The following SERPINB12 variants were observed in gnomAD, a reference collection of about 807,000 sequenced individuals.
SERPINB12 encodes serpin B12.
A neutral mutation model predicts 41.1 loss-of-function variants in SERPINB12; 57 were observed. The observed-to-expected ratio is 1.39, with a 90% CI of 1.12 to 1.73. SERPINB12 has a LOEUF of 1.73. Among genes scored for constraint, SERPINB12 ranks in the 40% most tolerant of loss-of-function variants. SERPINB12 has a pLI of 0.00. For missense variants in SERPINB12, 536 were observed against 501.9 expected, an observed-to-expected ratio of 1.07 and a Z score of -0.65; for synonymous variants, 180 against 181.3, an observed-to-expected ratio of 0.99 and a Z score of 0.06.
the SERPINB12 span, among the ~76,000 whole-genome samples, chr18:63,529,864 A>G: frequency 6.6e-6 from 1 of 152,210 alleles, no homozygotes; most frequent in Non-Finnish European, 1.5e-5. Flanking sequence ...TTCAAATTAA[A>G]GAACTCTTAT....
chr18:63,526,693 A>G, the SERPINB12 span, among the ~76,000 whole-genome samples: 1 of 152,200 alleles, frequency 6.6e-6, no homozygotes, highest in Non-Finnish European at 1.5e-5. Flanking sequence ...GTAAAAAAGT[A>G]TTTTACCATG....
intron 2 of SERPINB12, among the ~76,000 whole-genome samples, chr18:63,557,515 T>A (rs1910719130): frequency 6.6e-6 from 1 of 152,218 alleles, no homozygotes; most frequent in Non-Finnish European, 1.5e-5. Flanking sequence ...TTCCCCTGAA[T>A]ATGGAGCAGT....
upstream of SERPINB12, among the ~76,000 whole-genome samples, chr18:63,537,460 T>C (rs183781157): frequency 2.4e-3 from 368 of 152,340 alleles, 1 homozygote; most frequent in Admixed American, 4.1e-3. Flanking sequence ...GGCATGTTCC[T>C]AGACTGATGA....
chr18:63,558,248 G>C, intron 2 of SERPINB12, 104 bp from the exon 3 acceptor site: 1 of 1,268,602 alleles, frequency 7.9e-7, no homozygotes, highest in Non-Finnish European at 1.1e-6. Context: ...TGTTTTGTTT[G>C]ACTATGTAAT....
At chr18:63,528,663 C>T in the SERPINB12 span, among the ~76,000 whole-genome samples, 2 of 151,984 alleles carry the variant, frequency 1.3e-5, no homozygotes, top group African/African-American at 4.8e-5. Flanking sequence ...AAATTTTAGA[C>T]CAGGCAAGCA....
At chr18:63,556,444 A>G (rs1910682809) in intron 2 of SERPINB12, 117 bp downstream of exon 2, 1 of 773,372 alleles carries the variant, frequency 1.3e-6, no homozygotes, top group Non-Finnish European at 2.0e-6. Flanking sequence ...CTTGGTCAGA[A>G]CCCATCCCTG....
Position 63,566,945 on chromosome 18 carries a change from T to C in SERPINB12, c.1212T>C (p.Phe404=). ...TGGAGTTTAATGCCAACCACCCTTT[T>C]CTCTTTTTCATTAGACACAACAAAA... ...SWVEFNANHP[F]LFFIRHNKTQ... The change falls in exon 8 of 8, where the codon TTT becomes TTC. Residue 404 remains phenylalanine, a synonymous_variant. Coordinates refer to ENST00000382768, the MANE Select transcript of SERPINB12 (RefSeq NM_001307928.2). 1 of 1,613,670 alleles carries C rather than the reference T, an allele frequency of 6.2e-7. No individual in the cohort carries two copies.
chr18:63,550,343 GGA>G (rs755317265), intron 1 of SERPINB12, among the ~76,000 whole-genome samples: 6 of 152,040 alleles, frequency 3.9e-5, no homozygotes, highest in Non-Finnish European at 8.8e-5. Flanking sequence ...GAATGCTTGG[GGA>G]GCATTCCCTA....
chr18:63,532,237 A>T, the SERPINB12 span, among the ~76,000 whole-genome samples: 1 of 152,206 alleles, frequency 6.6e-6, no homozygotes, highest in Non-Finnish European at 1.5e-5. Flanking sequence ...GCTTATCTCC[A>T]GCCTTGTACT....
At chr18:63,565,328 A>G in intron 6 of SERPINB12, 117 bp from the exon 7 acceptor site, 1 of 911,240 alleles carries the variant, frequency 1.1e-6, no homozygotes, top group Non-Finnish European at 1.7e-6. Flanking sequence ...GTGGCTCAGG[A>G]CTTCTCCTGC....
intron 7 of SERPINB12, 115 bp downstream of exon 7, chr18:63,565,727 C>A: frequency 1.3e-6 from 1 of 799,100 alleles, no homozygotes; most frequent in Non-Finnish European, 1.9e-6. Context: ...TCAGAGACAT[C>A]AAGGAATGTG....
chr18:63,554,947 G>A (rs766116458), intron 1 of SERPINB12, among the ~76,000 whole-genome samples: 19 of 152,190 alleles, frequency 1.2e-4, no homozygotes, highest in Non-Finnish European at 2.5e-4. Context: ...TAAGTGTTTG[G>A]CAGTTCCTCC....
Position 63,558,366 on chromosome 18 carries a change from C to A in SERPINB12, c.183C>A (p.Asn61Lys), listed in dbSNP as rs144275600. 1 of 1,613,572 alleles carries A rather than the reference C, an allele frequency of 6.2e-7. No individual in the cohort carries two copies. Among genetic ancestry groups the A allele is most frequent in the East Asian group, 2.2e-5 (1 of 44,882 alleles). Residue 61 changes from asparagine (N) to lysine (K), a missense_variant, in exon 3 of 8, where the codon AAC becomes AAA. Physicochemically the swap from Asn to Lys is moderately conservative, Grantham distance 94. Transcript: ENST00000382768. Reference protein sequence around the residue: ...AHQIDEVLHFNEFSQNESKEP... With the variant: ...AHQIDEVLHFKEFSQNESKEP... ...TTATCATGCAGGTACTACACTTCAA[C>A]GAATTTTCCCAGAATGAAAGCAAAG...
chr18:63,525,608 T>C, the SERPINB12 span, among the ~76,000 whole-genome samples: 2 of 152,156 alleles, frequency 1.3e-5, no homozygotes, highest in Admixed American at 1.3e-4. Context: ...TATCTATTAC[T>C]TAATTCAACA....
the SERPINB12 span, among the ~76,000 whole-genome samples, chr18:63,532,264 C>A: frequency 2.6e-5 from 4 of 152,206 alleles, no homozygotes; most frequent in Non-Finnish European, 5.9e-5. Flanking sequence ...TGCTAGGACC[C>A]TGACATCCTC....
the SERPINB12 span, among the ~76,000 whole-genome samples, chr18:63,532,680 G>A: frequency 6.6e-6 from 1 of 152,148 alleles, no homozygotes; most frequent in African/African-American, 2.4e-5. Flanking sequence ...TATGGTAGAT[G>A]CAAATGATTC....
chr18:63,566,564 G>A (rs764603573), intron 7 of SERPINB12, 43 bp from the exon 8 acceptor site: 2 of 1,528,796 alleles, frequency 1.3e-6, no homozygotes, highest in South Asian at 1.3e-5. Context: ...ATTCTTTGTG[G>A]TCCCATAATC....
chr18:63,554,036 A>G (rs1910598553), intron 1 of SERPINB12, among the ~76,000 whole-genome samples: 2 of 151,078 alleles, frequency 1.3e-5, no homozygotes, highest in Non-Finnish European at 2.9e-5. Context: ...AATACAAAGT[A>G]CGTCTCAAAC....
chr18:63,539,356 A>G (rs552096245), upstream of SERPINB12, among the ~76,000 whole-genome samples: 1 of 152,234 alleles, frequency 6.6e-6, no homozygotes, highest in African/African-American at 2.4e-5. Context: ...CCCTGAAAAA[A>G]CAGAAGCAAA....
Sources: allele counts gnomAD v4.1 joint callset (sites outside exome capture counted in the v4.1 genomes callset), GRCh38; gene constraint gnomAD v4.1.1; transcripts MANE v1.5; gene names NCBI Gene and HGNC (gene_info 2026-07-23, HGNC 2026-07-21).